The following AGTR1 variants were observed in gnomAD, a reference collection of about 807,000 sequenced individuals.
The protein encoded by AGTR1 is type-1 angiotensin II receptor.
AGTR1 carries 16 observed loss-of-function variants against 19.4 expected under a neutral mutation model. The ratio of observed to expected loss-of-function variants is 0.82; its 90% CI spans 0.56 to 1.25. The LOEUF (loss-of-function observed/expected upper bound fraction) is 1.25. Among genes scored for constraint, AGTR1 ranks in the 50% most tolerant of loss-of-function variants. The pLI is 0.00. For synonymous variants in AGTR1, 153 were observed against 154.9 expected (o/e 0.99, Z 0.09); for missense variants, 373 against 431.9 (o/e 0.86, Z 1.21).
chr3:148,732,383 G>A (rs1481439405), intron 2 of AGTR1, among the ~76,000 whole-genome samples: 1 of 152,270 alleles, frequency 6.6e-6, no homozygotes, highest in East Asian at 1.9e-4. Flanking sequence ...ATGTGCCTGG[G>A]AAATATTTCT....
chr3:148,711,100 A>G (rs991541219), intron 2 of AGTR1, among the ~76,000 whole-genome samples: 11 of 152,202 alleles, frequency 7.2e-5, no homozygotes, highest in African/African-American at 1.9e-4. Context: ...TAGCAACACA[A>G]GAATAGACCA....
chr3:148,740,551 T>C (rs938334903), intron 2 of AGTR1, among the ~76,000 whole-genome samples: 5 of 152,224 alleles, frequency 3.3e-5, no homozygotes, highest in Non-Finnish European at 7.3e-5. Flanking sequence ...TTAAAGAATA[T>C]GAATGTGTCA....
chr3:148,725,852 A>G (rs903158387), intron 2 of AGTR1, among the ~76,000 whole-genome samples: 3 of 152,046 alleles, frequency 2.0e-5, no homozygotes, highest in African/African-American at 7.3e-5. Context: ...CAGATAATAG[A>G]CTCTGCTAAC....
intron 2 of AGTR1, among the ~76,000 whole-genome samples, chr3:148,723,412 T>G (rs1342953436): frequency 6.6e-6 from 1 of 152,238 alleles, no homozygotes; most frequent in South Asian, 2.1e-4. Context: ...TGTGGCTCTA[T>G]GAAATAGCTT....
chr3:148,712,500 C>A (rs1356666744), intron 2 of AGTR1, among the ~76,000 whole-genome samples: 6 of 152,108 alleles, frequency 3.9e-5, no homozygotes, highest in Non-Finnish European at 5.9e-5. Flanking sequence ...TAGATGAAAC[C>A]AGTCAGGGGG....
intron 2 of AGTR1, among the ~76,000 whole-genome samples, chr3:148,721,817 G>A (rs1307135833): frequency 6.6e-6 from 1 of 152,118 alleles, no homozygotes; most frequent in Non-Finnish European, 1.5e-5. Flanking sequence ...TCACCCAAAC[G>A]TATTAGAGAG....
At chr3:148,705,027 C>CA (rs554255055) in intron 1 of AGTR1, among the ~76,000 whole-genome samples, 158 of 152,212 alleles carry the variant, frequency 1.0e-3, no homozygotes, top group African/African-American at 3.7e-3. Flanking sequence ...GAGAAATACC[C>CA]AAAAGATATC....
At chr3:148,727,643 A>G (rs1213006003) in intron 2 of AGTR1, among the ~76,000 whole-genome samples, 1 of 152,234 alleles carries the variant, frequency 6.6e-6, no homozygotes, top group East Asian at 1.9e-4. Context: ...AGAATGATCT[A>G]ACACAGCAGA....
intron 2 of AGTR1, among the ~76,000 whole-genome samples, chr3:148,729,862 C>G (rs1372178632): frequency 6.6e-6 from 1 of 152,190 alleles, no homozygotes. Flanking sequence ...TCAGCAGTGC[C>G]TTTCAGCCTC....
chr3:148,739,164 G>T (rs538939674), intron 2 of AGTR1, among the ~76,000 whole-genome samples: 1 of 152,270 alleles, frequency 6.6e-6, no homozygotes, highest in East Asian at 1.9e-4. Context: ...TTCAAGAGCA[G>T]CCTGGCCAAC....
At chr3:148,726,779 G>A (rs1226633511) in intron 2 of AGTR1, among the ~76,000 whole-genome samples, 4 of 152,038 alleles carry the variant, frequency 2.6e-5, no homozygotes, top group Admixed American at 6.5e-5. Flanking sequence ...GTCCCCCACC[G>A]AGTTGCATAT....
chr3:148,715,368 T>A (rs917105466), intron 2 of AGTR1, among the ~76,000 whole-genome samples: 1 of 152,158 alleles, frequency 6.6e-6, no homozygotes, highest in Non-Finnish European at 1.5e-5. Context: ...TCCTGTTAAT[T>A]TGATTTTCTA....
intron 2 of AGTR1, among the ~76,000 whole-genome samples, chr3:148,736,235 A>G (rs1366525958): frequency 6.6e-6 from 1 of 152,230 alleles, no homozygotes; most frequent in East Asian, 1.9e-4. Flanking sequence ...AACTCTTACA[A>G]AAGCAATTGT....
rs76169474 is a variant in AGTR1, at chr3:148,730,954, T to C, written c.-47-10035T>C. 1.4e-3 allele frequency among the ~76,000 whole-genome samples: 210 copies of C among 152,300 alleles called. 2 individuals carry two copies. The highest frequency in any genetic ancestry group is 4.5e-3 in the African/African-American group (185 of 41,562). ...ATGAGCACTTGAAATGTCGCTAGTG[T>C]AACTGAGGTGTCCTGGAAGCATACA... On this transcript the variant is annotated intron_variant, in intron 2 of 2. Coordinates refer to ENST00000349243, the MANE Select transcript of AGTR1 (RefSeq NM_000685.5).
intron 2 of AGTR1, among the ~76,000 whole-genome samples, chr3:148,718,679 T>C (rs138093142): frequency 6.6e-6 from 1 of 152,240 alleles, no homozygotes; most frequent in Admixed American, 6.5e-5. Flanking sequence ...TAAACCTATA[T>C]ATTATGACCT....
At chr3:148,705,214 A>AT (rs1712601311) in intron 1 of AGTR1, among the ~76,000 whole-genome samples, 1 of 152,018 alleles carries the variant, frequency 6.6e-6, no homozygotes, top group Non-Finnish European at 1.5e-5. Flanking sequence ...ATAGCATAGC[A>AT]TTTTTTTCTT....
Position 148,742,075 on chromosome 3 carries a change from C to T in AGTR1, c.1040C>T (p.Ser347Leu), listed in dbSNP as rs773689751. 1 of 1,614,090 alleles carries T rather than the reference C, an allele frequency of 6.2e-7. No individual in the cohort carries two copies. The highest frequency in any genetic ancestry group is 8.5e-7 in the Non-Finnish European group (1 of 1,180,022). The change falls in exon 3 of 3, where the codon TCA (serine) becomes TTA (leucine). Residue 347 changes from serine (S) to leucine (L), a missense_variant. Ser to Leu is a moderately radical substitution (Grantham distance 145). Transcript: ENST00000349243. ...LSYRPSDNVS[S>L]STKKPAPCFE... is the part of the protein sequence containing the mutation. The stretch of plus-strand genomic sequence containing the variant: ...TACCGCCCCTCAGATAATGTAAGCT[C>T]ATCCACCAAGAAGCCTGCACCATGT...
At chr3:148,709,137 T>C (rs1014810745) in intron 2 of AGTR1, among the ~76,000 whole-genome samples, 3 of 150,262 alleles carry the variant, frequency 2.0e-5, no homozygotes, top group African/African-American at 7.5e-5. Context: ...ATTTTGTTTT[T>C]TTCAGGTATA....
Position 148,741,311 on chromosome 3 carries a change from C to T in AGTR1, c.276C>T (p.Tyr92=). The change falls in exon 3 of 3, where the codon TAC becomes TAT. Residue 92 remains tyrosine, a synonymous_variant. Coordinates refer to ENST00000349243, the MANE Select transcript of AGTR1 (RefSeq NM_000685.5). ...GGGCTGTCTACACAGCTATGGAATA[C>T]CGCTGGCCCTTTGGCAATTACCTAT... ...PLWAVYTAME[Y]RWPFGNYLCK... 1.2e-6 allele frequency: 2 copies of T among 1,611,442 alleles called. No homozygotes were observed. Among genetic ancestry groups the T allele is most frequent in the Non-Finnish European group, 1.7e-6 (2 of 1,179,994 alleles).
Sources: allele counts gnomAD v4.1 joint callset (sites outside exome capture counted in the v4.1 genomes callset), GRCh38; gene constraint gnomAD v4.1.1; transcripts MANE v1.5; gene names NCBI Gene and HGNC (gene_info 2026-07-23, HGNC 2026-07-21).